NSUN3: variants seen among roughly 807,000 people sequenced by gnomAD.
NSUN3 encodes the protein tRNA (cytosine(34)-C(5))-methyltransferase, mitochondrial.
NSUN3 carries 24 observed loss-of-function variants against 36.8 expected under a neutral mutation model. That is an observed-to-expected ratio of 0.65 (90% CI 0.47 to 0.92). NSUN3 has a LOEUF of 0.92. NSUN3 is among the 40% of genes least tolerant of loss of function. The pLI, the probability that NSUN3 is intolerant of heterozygous loss-of-function variation, is 0.00. For missense variants in NSUN3, 381 were observed against 392.8 expected (o/e 0.97, Z 0.25); for synonymous variants, 146 against 145.2 (o/e 1.01, Z -0.04).
chr3:94,085,099 C>T (rs971620701), intron 3 of NSUN3: 1 of 152,070 alleles, frequency 6.6e-6, no homozygotes, highest in Non-Finnish European at 1.5e-5. Context: ...TTGAGACTAG[C>T]CACATTTCAG....
At chr3:94,082,953 C>A (rs2077276176) in intron 2 of NSUN3, among the ~76,000 whole-genome samples, 1 of 152,170 alleles carries the variant, frequency 6.6e-6, no homozygotes, top group Admixed American at 6.5e-5. Flanking sequence ...AGAAAACACT[C>A]ATTCCCTCTA....
At chr3:94,113,644 C>G (rs1176838606) in intron 5 of NSUN3, among the ~76,000 whole-genome samples, 3 of 152,148 alleles carry the variant, frequency 2.0e-5, no homozygotes, top group Non-Finnish European at 4.4e-5. Context: ...GGATTAATGG[C>G]AGAATCAGGT....
chr3:94,110,634 T>A (rs2077412150), intron 5 of NSUN3, among the ~76,000 whole-genome samples: 1 of 152,048 alleles, frequency 6.6e-6, no homozygotes, highest in Non-Finnish European at 1.5e-5. Context: ...TCTTCCACGA[T>A]ATCATAAACA....
At chr3:94,102,942 A>C (rs2077371918) in intron 5 of NSUN3, among the ~76,000 whole-genome samples, 1 of 152,050 alleles carries the variant, frequency 6.6e-6, no homozygotes, top group Non-Finnish European at 1.5e-5. Flanking sequence ...GCTGGAGTGC[A>C]GTGGCATGAT....
intron 2 of NSUN3, among the ~76,000 whole-genome samples, chr3:94,078,090 TCCCTTTACACA>T (rs1393850528): frequency 6.6e-6 from 1 of 152,236 alleles, no homozygotes; most frequent in East Asian, 1.9e-4. Flanking sequence ...GCTGTAAATC[TCCCTTTACACA>T]CTGCTTTAAA....
chr3:94,120,789 C>G (rs551003908), intron 5 of NSUN3, among the ~76,000 whole-genome samples: 1 of 152,026 alleles, frequency 6.6e-6, no homozygotes, highest in Non-Finnish European at 1.5e-5. Context: ...GGAATATGAC[C>G]AGAAGTGGAA....
At chr3:94,072,550 A>ACT (rs777128251) in intron 2 of NSUN3, among the ~76,000 whole-genome samples, 27 of 151,932 alleles carry the variant, frequency 1.8e-4, no homozygotes, top group Non-Finnish European at 2.9e-4. Context: ...GAGAGAGAAA[A>ACT]CTCCCTAAGT....
intron 2 of NSUN3, among the ~76,000 whole-genome samples, chr3:94,080,435 C>T (rs2077262617): frequency 6.6e-6 from 1 of 152,214 alleles, no homozygotes; most frequent in Non-Finnish European, 1.5e-5. Context: ...AGCTCAGACA[C>T]TGTGCTGGGA....
At chr3:94,077,197 A>G (rs1232902356) in intron 2 of NSUN3, 8 of 684,920 alleles carry the variant, frequency 1.2e-5, no homozygotes, top group Non-Finnish European at 2.2e-5. Flanking sequence ...AGCCAGGGGA[A>G]TACTGGAGTC....
At chr3:94,102,624 G>A (rs2077370775) in intron 5 of NSUN3, among the ~76,000 whole-genome samples, 1 of 151,952 alleles carries the variant, frequency 6.6e-6, no homozygotes, top group Non-Finnish European at 1.5e-5. Flanking sequence ...GTAGTCAGAG[G>A]TTATGAAATT....
At chr3:94,097,669 T>G (rs1200523623) in intron 5 of NSUN3, among the ~76,000 whole-genome samples, 2 of 152,236 alleles carry the variant, frequency 1.3e-5, no homozygotes, top group Non-Finnish European at 2.9e-5. Context: ...CAGTTTATAC[T>G]CCCTGCTGCA....
chr3:94,066,056 TA>T (rs1206932203), intron 2 of NSUN3, among the ~76,000 whole-genome samples: 129 of 142,908 alleles, frequency 9.0e-4, no homozygotes, highest in Non-Finnish European at 9.2e-4. Context: ...GGATGTGATT[TA>T]AAAAAAAAAA....
chr3:94,098,210 C>T (rs1481015348), intron 5 of NSUN3, among the ~76,000 whole-genome samples: 2 of 152,142 alleles, frequency 1.3e-5, no homozygotes, highest in African/African-American at 4.8e-5. Flanking sequence ...TTCAATCAAT[C>T]ACTAAGACGT....
At chr3:94,106,942 T>C (rs2077392157) in intron 5 of NSUN3, among the ~76,000 whole-genome samples, 1 of 152,188 alleles carries the variant, frequency 6.6e-6, no homozygotes, top group South Asian at 2.1e-4. Flanking sequence ...GGTTTTACCA[T>C]TTGTTAAATT....
At chr3:94,063,673 A>C (rs2077191269) in intron 1 of NSUN3, 1 of 153,450 alleles carries the variant, frequency 6.5e-6, no homozygotes, top group Non-Finnish European at 1.5e-5. Context: ...TCTGGAATGC[A>C]GCTGCTCCAT....
chr3:94,090,290 C>A (rs1175474778), intron 3 of NSUN3, among the ~76,000 whole-genome samples: 1 of 152,070 alleles, frequency 6.6e-6, no homozygotes, highest in Admixed American at 6.6e-5. Context: ...ATGAAACTTG[C>A]ATTGTGACAC....
At chr3:94,088,939 G>A (rs999907230) in intron 3 of NSUN3, among the ~76,000 whole-genome samples, 1 of 152,168 alleles carries the variant, frequency 6.6e-6, no homozygotes, top group African/African-American at 2.4e-5. Flanking sequence ...AAAGTGCTGG[G>A]ATTACAGGCA....
At chr3:94,112,285 A>G (rs2077420886) in intron 5 of NSUN3, among the ~76,000 whole-genome samples, 1 of 152,298 alleles carries the variant, frequency 6.6e-6, no homozygotes, top group East Asian at 1.9e-4. Context: ...TTGAACATAA[A>G]TTATCTAGCC....
chr3:94,091,393 C>T (rs1189236945), intron 3 of NSUN3, among the ~76,000 whole-genome samples: 1 of 151,816 alleles, frequency 6.6e-6, no homozygotes, highest in African/African-American at 2.4e-5. Context: ...GAAGGATATG[C>T]TTCAGGAAAA....
Sources: gnomAD v4.1 joint callset for allele counts (sites outside exome capture counted in the v4.1 genomes callset) on GRCh38, gnomAD v4.1.1 for gene constraint, MANE v1.5 for transcripts, NCBI Gene and HGNC (gene_info 2026-07-23, HGNC 2026-07-21) for gene names.